Variants in MEF2C observed in about 807,000 individuals in gnomAD.
The protein encoded by MEF2C is myocyte enhancer factor 2C.
In MEF2C, 6 loss-of-function variants were observed where a neutral mutation model predicts 50.5. The ratio of observed to expected loss-of-function variants is 0.12; its 90% CI spans 0.07 to 0.23. The LOEUF (loss-of-function observed/expected upper bound fraction) is 0.23, where lower values mean the gene tolerates loss of function less well. Ranked by LOEUF, MEF2C falls within the 10% of genes least tolerant of loss-of-function variation. The pLI is 1.00. For missense variants in MEF2C, 276 were observed against 605.0 expected (o/e 0.46, Z 5.70); for synonymous variants, 183 against 228.0 (o/e 0.80, Z 1.78).
intron 6 of MEF2C, chr5:88,741,752 G>C: frequency 1.0e-6 from 1 of 984,842 alleles, no homozygotes; most frequent in Non-Finnish European, 1.2e-6. Flanking sequence ...GTGGTGGGTG[G>C]ACTCTAAGGT....
At chr5:88,753,969 T>C (rs1266813549) in intron 4 of MEF2C, among the ~76,000 whole-genome samples, 1 of 152,188 alleles carries the variant, frequency 6.6e-6, no homozygotes, top group Non-Finnish European at 1.5e-5. Context: ...CAAATAAGGA[T>C]TGCTCTAGCA....
At chr5:88,793,310 G>A (rs1446050985) in intron 3 of MEF2C, among the ~76,000 whole-genome samples, 2 of 150,682 alleles carry the variant, frequency 1.3e-5, no homozygotes, top group South Asian at 2.1e-4. Flanking sequence ...TATGTACGAT[G>A]TGGCTTGAGT....
intron 3 of MEF2C, among the ~76,000 whole-genome samples, chr5:88,776,744 C>T (rs1182095281): frequency 6.6e-6 from 1 of 152,190 alleles, no homozygotes; most frequent in Non-Finnish European, 1.5e-5. Flanking sequence ...GTGAACACTT[C>T]AAGTGATCCC....
Position 88,761,217 on chromosome 5 carries a change from T to C in MEF2C, c.370A>G (p.Ile124Val). 1 of 1,614,050 alleles carries C rather than the reference T, an allele frequency of 6.2e-7. No homozygotes were observed. Among genetic ancestry groups the C allele is most frequent in the Non-Finnish European group, 8.5e-7 (1 of 1,179,898 alleles). ...CTTTGCCTGCTGATCATTAGATCAA[T>C]ATCTTCGTTAATTTTCCTGTACTTG... ...EDKYRKINED[I>V]DLMISRQRLC... The change falls in exon 4 of 11, where the codon ATT becomes GTT. Residue 124 changes from isoleucine to valine, a missense_variant. Coordinates refer to ENST00000504921, the MANE Select transcript of MEF2C (RefSeq NM_002397.5).
At chr5:88,873,577 A>T (rs1402713899) in intron 1 of MEF2C, among the ~76,000 whole-genome samples, 1 of 151,966 alleles carries the variant, frequency 6.6e-6, no homozygotes, top group East Asian at 1.9e-4. Context: ...CGCTCACTCT[A>T]AATCAAGCAA....
chr5:88,872,949 T>A (rs1287997488), intron 1 of MEF2C, among the ~76,000 whole-genome samples: 1 of 151,932 alleles, frequency 6.6e-6, no homozygotes, highest in Admixed American at 6.6e-5. Flanking sequence ...TCCAAACTCT[T>A]TATGCTTGTT....
At chr5:88,754,621 G>A (rs1205528403) in intron 4 of MEF2C, among the ~76,000 whole-genome samples, 1 of 152,170 alleles carries the variant, frequency 6.6e-6, no homozygotes, top group Non-Finnish European at 1.5e-5. Context: ...ACTGGAGGGT[G>A]TGACTATTAC....
intron 2 of MEF2C, among the ~76,000 whole-genome samples, chr5:88,808,681 A>G (rs552132593): frequency 1.3e-5 from 2 of 152,270 alleles, no homozygotes; most frequent in South Asian, 4.1e-4. Context: ...TCTTCATAGC[A>G]TTCTCAAAAT....
At chr5:88,845,609 A>G (rs933451812) in intron 1 of MEF2C, among the ~76,000 whole-genome samples, 5 of 152,224 alleles carry the variant, frequency 3.3e-5, no homozygotes, top group Non-Finnish European at 7.3e-5. Context: ...TGATAAGCTT[A>G]TCTAAAGTAG....
At chr5:88,893,983 T>C (rs1195736362) in intron 1 of MEF2C, among the ~76,000 whole-genome samples, 2 of 152,238 alleles carry the variant, frequency 1.3e-5, no homozygotes, top group Non-Finnish European at 2.9e-5. Flanking sequence ...AAATCAGTAA[T>C]GTTCTTAGTC....
chr5:88,755,683 A>G (rs1012126909), intron 4 of MEF2C, among the ~76,000 whole-genome samples: 16 of 152,222 alleles, frequency 1.1e-4, no homozygotes, highest in African/African-American at 3.9e-4. Context: ...TTTAATTTGA[A>G]TTCACTGTTA....
At chr5:88,756,089 A>C (rs893558627) in intron 4 of MEF2C, among the ~76,000 whole-genome samples, 1 of 152,232 alleles carries the variant, frequency 6.6e-6, no homozygotes, top group African/African-American at 2.4e-5. Context: ...AATTCATAAA[A>C]TATACCAAGA....
intron 4 of MEF2C, among the ~76,000 whole-genome samples, chr5:88,754,535 G>T (rs1300748804): frequency 6.6e-6 from 1 of 152,072 alleles, no homozygotes; most frequent in African/African-American, 2.4e-5. Context: ...TAGAACACTG[G>T]TACTCTACAG....
chr5:88,760,458 C>T (rs566054606), intron 4 of MEF2C, among the ~76,000 whole-genome samples: 4 of 152,296 alleles, frequency 2.6e-5, no homozygotes, highest in Admixed American at 1.3e-4. Context: ...TTCCCTGCAG[C>T]GAGCATTAGC....
intron 2 of MEF2C, among the ~76,000 whole-genome samples, chr5:88,805,759 A>T (rs1438134290): frequency 6.7e-6 from 1 of 149,426 alleles, no homozygotes; most frequent in Non-Finnish European, 1.5e-5. Context: ...TCCCAATTTC[A>T]ACTCTCTTTT....
At chr5:88,824,932 T>C (rs935113309) in intron 1 of MEF2C, 4 of 151,968 alleles carry the variant, frequency 2.6e-5, no homozygotes, top group African/African-American at 9.7e-5. Context: ...CGGAAGTTAA[T>C]TGCTCTGAAA....
intron 1 of MEF2C, among the ~76,000 whole-genome samples, chr5:88,872,019 T>C (rs1238371009): frequency 6.6e-6 from 1 of 151,994 alleles, no homozygotes; most frequent in African/African-American, 2.4e-5. Flanking sequence ...ATCTATAGAG[T>C]ACCTATTATA....
intron 1 of MEF2C, among the ~76,000 whole-genome samples, chr5:88,848,062 T>C (rs747143503): frequency 1.3e-5 from 2 of 152,172 alleles, no homozygotes; most frequent in African/African-American, 2.4e-5. Context: ...TGCTTACAAC[T>C]AGCGATTGGG....
chr5:88,780,783 C>T (rs933985711), intron 3 of MEF2C: 2 of 985,410 alleles, frequency 2.0e-6, no homozygotes, highest in Non-Finnish European at 2.4e-6. Flanking sequence ...CATAGGGACA[C>T]TTGTGTTATC....
Sources: allele counts gnomAD v4.1 joint callset (sites outside exome capture counted in the v4.1 genomes callset), GRCh38; gene constraint gnomAD v4.1.1; transcripts MANE v1.5; gene names NCBI Gene and HGNC (gene_info 2026-07-23, HGNC 2026-07-21).